Variants in MYO16 observed in about 807,000 individuals in gnomAD.
MYO16 encodes unconventional myosin-XVI.
Under a neutral mutation model 205.3 loss-of-function variants are expected in MYO16, and 94 were observed. The ratio of observed to expected loss-of-function variants is 0.46; its 90% CI spans 0.39 to 0.54. The LOEUF is 0.54. Ranked by LOEUF, MYO16 falls within the 20% of genes least tolerant of loss-of-function variation. The pLI is 0.00. For missense variants in MYO16, 2,315 were observed against 2,387.5 expected, an observed-to-expected ratio of 0.97 and a Z score of 0.63; for synonymous variants, 988 against 954.0, an observed-to-expected ratio of 1.04 and a Z score of -0.66.
intron 2 of MYO16, among the ~76,000 whole-genome samples, chr13:108,676,517 T>A (rs1191799558): frequency 6.6e-6 from 1 of 152,162 alleles, no homozygotes; most frequent in African/African-American, 2.4e-5. Context: ...ACTTCTATGA[T>A]GTGACTTGGA....
chr13:109,111,381 T>C (rs1299690564), intron 28 of MYO16, among the ~76,000 whole-genome samples: 2 of 152,172 alleles, frequency 1.3e-5, no homozygotes, highest in Non-Finnish European at 2.9e-5. Context: ...ATAAAGCTAT[T>C]CTTAACAAAC....
intron 34 of MYO16, among the ~76,000 whole-genome samples, chr13:109,189,230 C>T (rs1466796928): frequency 6.6e-6 from 1 of 152,120 alleles, no homozygotes; most frequent in Non-Finnish European, 1.5e-5. Flanking sequence ...TTAGATGGTG[C>T]CCACCCAGAT....
At chr13:108,655,165 C>T (rs1252925071) in intron 1 of MYO16, among the ~76,000 whole-genome samples, 2 of 152,222 alleles carry the variant, frequency 1.3e-5, no homozygotes, top group East Asian at 1.9e-4. Flanking sequence ...ATGATAGCCG[C>T]TCTCCTCACA....
chr13:108,590,189 A>T, the MYO16 span, among the ~76,000 whole-genome samples: 2 of 152,344 alleles, frequency 1.3e-5, no homozygotes, highest in East Asian at 3.9e-4. Flanking sequence ...GTATATTTGT[A>T]TACTAAGAAA....
intron 6 of MYO16, among the ~76,000 whole-genome samples, chr13:108,795,592 T>C (rs562796599): frequency 5.3e-5 from 8 of 152,192 alleles, no homozygotes; most frequent in South Asian, 4.1e-4. Flanking sequence ...TAGAAGACTA[T>C]AACAACGTAA....
chr13:108,876,216 A>T (rs527967269), intron 12 of MYO16, among the ~76,000 whole-genome samples: 91 of 152,286 alleles, frequency 6.0e-4, no homozygotes, highest in African/African-American at 2.1e-3. Flanking sequence ...AAATGAAAAA[A>T]GTTCAAGCAG....
chr13:109,186,913 C>T (rs1476291597), intron 34 of MYO16, among the ~76,000 whole-genome samples: 2 of 152,174 alleles, frequency 1.3e-5, no homozygotes, highest in East Asian at 1.9e-4. Flanking sequence ...TAAGTTTCTG[C>T]TCATGGACAT....
intron 21 of MYO16, among the ~76,000 whole-genome samples, chr13:108,994,620 T>C (rs889585440): frequency 4.6e-5 from 7 of 152,220 alleles, no homozygotes; most frequent in Non-Finnish European, 1.0e-4. Context: ...CAATGCTGTA[T>C]TCAGAATCAA....
intron 10 of MYO16, among the ~76,000 whole-genome samples, chr13:108,853,349 T>A (rs1877988252): frequency 6.6e-6 from 1 of 152,204 alleles, no homozygotes; most frequent in African/African-American, 2.4e-5. Context: ...CTGCAACTCC[T>A]GAACGATTCA....
intron 6 of MYO16, among the ~76,000 whole-genome samples, chr13:108,798,377 A>G (rs1440216695): frequency 6.6e-6 from 1 of 152,220 alleles, no homozygotes; most frequent in Non-Finnish European, 1.5e-5. Flanking sequence ...TAAAATTCTA[A>G]TAAGACGGGT....
At chr13:109,102,482 G>A (rs1889000999) in intron 28 of MYO16, among the ~76,000 whole-genome samples, 1 of 94,972 alleles carries the variant, frequency 1.1e-5, no homozygotes, top group Non-Finnish European at 2.1e-5. Flanking sequence ...ATATGTATGT[G>A]TATATATGTA....
At chr13:108,915,550 A>G (rs1181005708) in intron 16 of MYO16, among the ~76,000 whole-genome samples, 3 of 152,086 alleles carry the variant, frequency 2.0e-5, no homozygotes, top group African/African-American at 7.2e-5. Flanking sequence ...CCCTTTGTAT[A>G]TTATACAAAC....
At chr13:109,045,351 G>A (rs2139589333) in intron 23 of MYO16, among the ~76,000 whole-genome samples, 1 of 152,318 alleles carries the variant, frequency 6.6e-6, no homozygotes. Flanking sequence ...ACGACCAAGT[G>A]TCCCCTGGAG....
intron 24 of MYO16, among the ~76,000 whole-genome samples, chr13:109,050,986 G>T (rs1887229023): frequency 6.6e-6 from 1 of 151,990 alleles, no homozygotes; most frequent in African/African-American, 2.4e-5. Context: ...TCTTAGAAAA[G>T]AATGGTATTC....
At chr13:108,874,581 A>G (rs1185794239) in intron 12 of MYO16, among the ~76,000 whole-genome samples, 2 of 151,946 alleles carry the variant, frequency 1.3e-5, no homozygotes, top group East Asian at 3.9e-4. Flanking sequence ...AAGTCTTCCC[A>G]TGAGTGGCAG....
chr13:109,187,447 T>C (rs1879731982), intron 34 of MYO16, among the ~76,000 whole-genome samples: 1 of 152,200 alleles, frequency 6.6e-6, no homozygotes. Context: ...CTTTCTTAAA[T>C]AGGTAGCATA....
At chr13:108,721,762 C>T (rs1467512255) in intron 3 of MYO16, among the ~76,000 whole-genome samples, 1 of 152,118 alleles carries the variant, frequency 6.6e-6, no homozygotes, top group Non-Finnish European at 1.5e-5. Flanking sequence ...AATAAGTTTC[C>T]CTACACTGGA....
intron 1 of MYO16, among the ~76,000 whole-genome samples, chr13:108,596,557 G>A (rs1217918758): frequency 6.6e-6 from 1 of 152,100 alleles, no homozygotes. Flanking sequence ...GACAAAAAAA[G>A]TGATTTTTTT....
intron 1 of MYO16, among the ~76,000 whole-genome samples, chr13:108,612,514 A>AACATTTC (rs1449700532): frequency 7.0e-6 from 1 of 143,586 alleles, no homozygotes; most frequent in East Asian, 2.2e-4. Context: ...TTATTGATTT[A>AACATTTC]ACATTTAACA....
Sources: gnomAD v4.1 joint callset for allele counts (sites outside exome capture counted in the v4.1 genomes callset) on GRCh38, gnomAD v4.1.1 for gene constraint, MANE v1.5 for transcripts, NCBI Gene and HGNC (gene_info 2026-07-23, HGNC 2026-07-21) for gene names.